The following IRAG1 variants were observed in gnomAD, a reference collection of about 807,000 sequenced individuals.
IRAG1 encodes the protein inositol 1,4,5-triphosphate receptor associated 1, also known as IP3R-associated cGMP kinase substrate.
IRAG1 carries 62 observed loss-of-function variants against 106.2 expected under a neutral mutation model. That is an observed-to-expected ratio of 0.58 (90% confidence interval 0.48 to 0.72). The LOEUF is 0.72. Among genes scored for constraint, IRAG1 ranks in the 30% least tolerant of loss-of-function variants. The pLI, the probability that IRAG1 is intolerant of heterozygous loss-of-function variation, is 0.00. For synonymous variants in IRAG1, 462 were observed against 443.9 expected, an observed-to-expected ratio of 1.04 and a Z score of -0.51; for missense variants, 1,064 against 1,140.7, an observed-to-expected ratio of 0.93 and a Z score of 0.97.
At chr11:10,591,322 C>T (rs1852643756) in intron 18 of IRAG1, among the ~76,000 whole-genome samples, 1 of 152,166 alleles carries the variant, frequency 6.6e-6, no homozygotes, top group Non-Finnish European at 1.5e-5. Context: ...CTTCTCTGGG[C>T]TCTCTAAGAT....
At chr11:10,643,106 C>T (rs1383667407) in intron 2 of IRAG1, among the ~76,000 whole-genome samples, 8 of 128,956 alleles carry the variant, frequency 6.2e-5, no homozygotes, top group Middle Eastern at 5.0e-3. Flanking sequence ...ACCCAGGAGG[C>T]GGAGCTTACA....
chr11:10,580,559 T>C lies in IRAG1; in HGVS notation c.2391A>G (p.Glu797=), dbSNP rs759886867. 1 of 1,613,860 alleles carries C rather than the reference T, an allele frequency of 6.2e-7. No homozygotes were observed. The highest frequency in any genetic ancestry group is 2.2e-5 in the East Asian group (1 of 44,874). The change falls in exon 20 of 21, where the codon GAA becomes GAG. Residue 797 remains glutamate (E), a synonymous_variant. Transcript: ENST00000423302. ...CCTCCTCCTCCTTCAGGTCTTGAAG[T>C]TCTTTGGTCTTCTTTAGACCTTCTT... ...GFQEGLKKTK[E]LQDLKEEEEE...
At chr11:10,641,088 G>A (rs1254898883) in intron 2 of IRAG1, among the ~76,000 whole-genome samples, 7 of 152,082 alleles carry the variant, frequency 4.6e-5, no homozygotes, top group Non-Finnish European at 1.0e-4. Context: ...TGCCCAGGCT[G>A]GTCTCAAATT....
At chr11:10,692,201 A>G (rs1426543796) in intron 1 of IRAG1, among the ~76,000 whole-genome samples, 1 of 151,880 alleles carries the variant, frequency 6.6e-6, no homozygotes, top group Admixed American at 6.6e-5. Flanking sequence ...GCATGCACAC[A>G]CACACACATA....
intron 2 of IRAG1, among the ~76,000 whole-genome samples, chr11:10,648,287 C>G (rs1034134328): frequency 6.6e-6 from 1 of 152,178 alleles, no homozygotes; most frequent in Non-Finnish European, 1.5e-5. Flanking sequence ...TCATTTGAAC[C>G]TGGGAGACAG....
intron 18 of IRAG1, among the ~76,000 whole-genome samples, chr11:10,588,382 G>A (rs554250559): frequency 7.2e-5 from 11 of 151,780 alleles, no homozygotes; most frequent in South Asian, 4.2e-4. Flanking sequence ...TGGTTCTGTC[G>A]CTCAGGCTCC....
At chr11:10,576,770 G>A (rs114770767) in intron 20 of IRAG1, among the ~76,000 whole-genome samples, 195 bp from the exon 21 acceptor site, 275 of 152,248 alleles carry the variant, frequency 1.8e-3, no homozygotes, top group African/African-American at 6.4e-3. Flanking sequence ...CCAAAGTTAT[G>A]GTCCAGGAAT....
At chr11:10,669,178 A>C (rs114807430) in intron 1 of IRAG1, among the ~76,000 whole-genome samples, 1 of 152,308 alleles carries the variant, frequency 6.6e-6, no homozygotes, top group African/African-American at 2.4e-5. Context: ...TATTTTGTTT[A>C]GTTTCAACTA....
In IRAG1 at chr11:10,652,142, G is replaced by C. The variant is rs374994607; in HGVS notation, c.108C>G (p.Asp36Glu). ...AQASWSIFGA[D>E]AAEVPGTRGH... ...CACGTGTGCCCGGAACCTCCGCTGC[G>C]TCAGCCCCAAAGATGCTCCAAGAGG... Residue 36 changes from aspartate (D) to glutamate (E), a missense_variant, in exon 2 of 21, where the codon GAC becomes GAG. By Grantham distance (45) the Asp-to-Glu change is conservative (BLOSUM62 2). Transcript: ENST00000423302. 1.2e-6 allele frequency: 2 copies of C among 1,613,464 alleles called. No individual in the cohort carries two copies. Among genetic ancestry groups the C allele is most frequent in the Non-Finnish European group, 1.7e-6 (2 of 1,179,726 alleles).
In IRAG1 at chr11:10,628,057, C is replaced by G; in HGVS notation, c.653-32G>C. ...GGGTCCAGACACTAGTGAGTGAGGC[C>G]CAGCAGCCCAGGCCCTCAGCTGTGC... On this transcript the variant is annotated intron_variant, in intron 6 of 20. Transcript: ENST00000423302. This position sits in a 1 kb window ranked among gnomAD's most constrained non-coding sequence, Gnocchi z 4.1. 2 of 1,611,826 alleles carry G rather than the reference C, an allele frequency of 1.2e-6. No individual in the cohort carries two copies. The highest frequency in any genetic ancestry group is 1.3e-5 in the African/African-American group (1 of 75,018).
At chr11:10,684,768 A>G (rs1861542327) in intron 1 of IRAG1, among the ~76,000 whole-genome samples, 1 of 152,046 alleles carries the variant, frequency 6.6e-6, no homozygotes, top group Admixed American at 6.6e-5. Context: ...CTTATAATAA[A>G]TCCTACTTTC....
At chr11:10,602,506 C>A (rs538246757) in intron 14 of IRAG1, among the ~76,000 whole-genome samples, 1 of 152,078 alleles carries the variant, frequency 6.6e-6, no homozygotes. Flanking sequence ...CATGGGGGGC[C>A]GGGGCGGGGC....
intron 1 of IRAG1, among the ~76,000 whole-genome samples, chr11:10,672,946 TA>T (rs1860363997): frequency 6.6e-6 from 1 of 152,154 alleles, no homozygotes; most frequent in South Asian, 2.1e-4. Context: ...AATGGATGAA[TA>T]AAATGTGGTA....
intron 4 of IRAG1, 82 bp downstream of exon 4, chr11:10,631,909 G>A: frequency 2.6e-6 from 3 of 1,166,056 alleles, no homozygotes; most frequent in Non-Finnish European, 3.9e-6. Flanking sequence ...TTAAAGAGCA[G>A]GAGAGAGGAA....
intron 1 of IRAG1, among the ~76,000 whole-genome samples, chr11:10,676,505 T>C (rs1450011300): frequency 6.6e-6 from 1 of 152,116 alleles, no homozygotes; most frequent in African/African-American, 2.4e-5. Flanking sequence ...CAGCTCTGGG[T>C]TGTAATTGAG....
intron 2 of IRAG1, among the ~76,000 whole-genome samples, chr11:10,651,270 C>T (rs757560215): frequency 2.6e-5 from 4 of 152,258 alleles, no homozygotes; most frequent in African/African-American, 7.2e-5. Context: ...ATTTGAATAT[C>T]GAGGGACTGA....
rs865983817 is a variant in IRAG1 at position 10,582,119 on chromosome 11, T to C, written c.2241-133A>G. ...CTTTTTCAGTAACTTTCAGATTTTTTCCCAATCCTTCTACCCTGAGACAAG... is the reference window on the plus strand; with the variant it reads ...CTTTTTCAGTAACTTTCAGATTTTTCCCCAATCCTTCTACCCTGAGACAAG... On this transcript the variant is annotated intron_variant, in intron 18 of 20. Coordinates refer to ENST00000423302, the MANE Select transcript of IRAG1 (RefSeq NM_130385.4). 127 of 1,127,144 alleles carry C rather than the reference T, an allele frequency of 1.1e-4. 1 individual carries two copies. In the Middle Eastern group the frequency reaches 3.4e-3, roughly 30 times the overall value. 69.8% of individuals were successfully genotyped at this position (1,127,144 alleles called of 1,614,324 possible).
intron 4 of IRAG1, among the ~76,000 whole-genome samples, chr11:10,630,724 T>G (rs1220777565): frequency 2.0e-5 from 3 of 152,108 alleles, no homozygotes; most frequent in African/African-American, 7.2e-5. Context: ...CACATACTCC[T>G]CCCAAGTCCC....
At chr11:10,644,858 T>C (rs2033049) in intron 2 of IRAG1, among the ~76,000 whole-genome samples, 68,709 of 152,056 alleles carry the variant, frequency 0.45, 15,760 homozygotes, top group Admixed American at 0.48. Context: ...AGGCAGAACC[T>C]CTCTGTTGGC....
Sources: allele counts gnomAD v4.1 joint callset (sites outside exome capture counted in the v4.1 genomes callset), GRCh38; gene constraint gnomAD v4.1.1; non-coding constraint Gnocchi (gnomAD v3.1); transcripts MANE v1.5; gene names NCBI Gene and HGNC (gene_info 2026-07-23, HGNC 2026-07-21).